SDK1: variants seen among roughly 807,000 people sequenced by gnomAD.
SDK1 encodes sidekick cell adhesion molecule 1, also known as protein sidekick-1.
SDK1 carries 157 observed loss-of-function variants against 245.5 expected under a neutral mutation model. That is an observed-to-expected ratio of 0.64 (90% CI 0.56 to 0.73). The LOEUF (loss-of-function observed/expected upper bound fraction) is 0.73, where lower values mean the gene tolerates loss of function less well. Ranked by LOEUF, SDK1 falls within the 30% of genes least tolerant of loss-of-function variation. SDK1 has a pLI of 0.00. For missense variants in SDK1, 3,583 were observed against 3,002.3 expected (o/e 1.19, Z -4.52); for synonymous variants, 1,647 against 1,278.5 (o/e 1.29, Z -6.15).
Position 3,832,683 on chromosome 7 carries a change from G to C in SDK1, c.847+11100G>C, listed in dbSNP as rs73672199. Among the ~76,000 whole-genome samples the C allele has an allele frequency of 5.7e-3, 875 of 152,310 alleles. 7 individuals are homozygous for C. Among genetic ancestry groups the C allele is most frequent in the African/African-American group, 0.02 (816 of 41,566 alleles). Reference sequence around the variant, plus strand: ...TTTATATCAGAAATAATAGGAACCAGAAATTTATCTGGAGATGTAGATTCT... The same window carrying C: ...TTTATATCAGAAATAATAGGAACCACAAATTTATCTGGAGATGTAGATTCT... On this transcript the variant is annotated intron_variant, in intron 5 of 44. Transcript: ENST00000404826.
At chr7:3,368,636 G>A (rs377043034) in intron 1 of SDK1, among the ~76,000 whole-genome samples, 3 of 152,140 alleles carry the variant, frequency 2.0e-5, no homozygotes, top group African/African-American at 4.8e-5. Context: ...AGAGCCTGTC[G>A]GGTGAGTGCC....
chr7:3,389,520 G>T (rs1037435874), intron 1 of SDK1, among the ~76,000 whole-genome samples: 3 of 152,154 alleles, frequency 2.0e-5, no homozygotes, highest in African/African-American at 7.2e-5. Context: ...CTCATATTTT[G>T]GACTTCTGGC....
At chr7:3,650,824 G>GT (rs1205960534) in intron 4 of SDK1, among the ~76,000 whole-genome samples, 4 of 102,200 alleles carry the variant, frequency 3.9e-5, no homozygotes, top group Non-Finnish European at 8.6e-5. Context: ...TGTGGGGATT[G>GT]GTTTTTTTTT....
At chr7:4,174,190 G>A (rs201097410) in intron 32 of SDK1, 32 bp from the exon 33 acceptor site, 3 of 1,612,502 alleles carry the variant, frequency 1.9e-6, no homozygotes, top group African/African-American at 2.7e-5. Context: ...TGACTCCCAT[G>A]GTGTGGCTGA....
chr7:3,429,426 T>A (rs974996424), intron 1 of SDK1, among the ~76,000 whole-genome samples: 2 of 152,124 alleles, frequency 1.3e-5, no homozygotes, highest in African/African-American at 2.4e-5. Flanking sequence ...CCCTTTTAAA[T>A]ATATAACTCC....
At chr7:4,206,609 G>A (rs922603801) in intron 36 of SDK1, among the ~76,000 whole-genome samples, 1 of 152,190 alleles carries the variant, frequency 6.6e-6, no homozygotes, top group African/African-American at 2.4e-5. Flanking sequence ...TGACAGGAGA[G>A]CGTCGAGTGA....
intron 4 of SDK1, among the ~76,000 whole-genome samples, chr7:3,799,663 C>T (rs1421634294): frequency 6.7e-6 from 1 of 149,028 alleles, no homozygotes; most frequent in East Asian, 2.0e-4. Context: ...CAAAATCGCG[C>T]CACTGCACTC....
intron 1 of SDK1, among the ~76,000 whole-genome samples, chr7:3,307,594 C>G (rs1326748627): frequency 6.6e-6 from 1 of 152,174 alleles, no homozygotes; most frequent in Non-Finnish European, 1.5e-5. Flanking sequence ...GGTTGGCTTC[C>G]TGACAGAAAG....
At chr7:3,330,569 G>A (rs4506106) in intron 1 of SDK1, among the ~76,000 whole-genome samples, 65,967 of 151,862 alleles carry the variant, frequency 0.43, 14,407 homozygotes, top group East Asian at 0.56. Flanking sequence ...CATGTGATGC[G>A]TCTTGCCATG....
chr7:3,479,463 T>C (rs1018667614), intron 1 of SDK1, among the ~76,000 whole-genome samples: 2 of 150,594 alleles, frequency 1.3e-5, no homozygotes, highest in Non-Finnish European at 3.0e-5. Context: ...ATTGTCCAAT[T>C]GGTGGATACA....
At chr7:3,980,820 T>A (rs1783342273) in intron 13 of SDK1, among the ~76,000 whole-genome samples, 1 of 151,972 alleles carries the variant, frequency 6.6e-6, no homozygotes, top group Admixed American at 6.6e-5. Context: ...TGGGCACCTG[T>A]AATCCCAGCT....
chr7:3,686,479 T>C (rs1784284128), intron 4 of SDK1, among the ~76,000 whole-genome samples: 1 of 152,210 alleles, frequency 6.6e-6, no homozygotes, highest in Non-Finnish European at 1.5e-5. Context: ...AGTATACTCA[T>C]GGGCTGTACA....
At position 3,400,293 on chromosome 7, in the gene SDK1, G is replaced by C. The variant is rs74608728; in HGVS notation, c.298+98409G>C. Among the ~76,000 whole-genome samples the C allele has an allele frequency of 3.0e-4, 46 of 152,186 alleles. 1 individual carries two copies. The East Asian group carries it at 6.4e-3, about 21-fold the overall frequency. ...TCCTAAGATAATGCTTTAGATTGTT[G>C]TACAGCTTTGGTTAATTTTCAGAAT... On this transcript the variant is annotated intron_variant, in intron 1 of 44. Coordinates refer to ENST00000404826, the MANE Select transcript of SDK1 (RefSeq NM_152744.4).
chr7:3,952,377 G>A (rs564227141), intron 7 of SDK1, among the ~76,000 whole-genome samples: 2 of 152,236 alleles, frequency 1.3e-5, no homozygotes, highest in African/African-American at 4.8e-5. Flanking sequence ...CCAGGAGTTC[G>A]AGACCAGCCT....
At chr7:3,732,080 A>G (rs1466057263) in intron 4 of SDK1, among the ~76,000 whole-genome samples, 1 of 152,190 alleles carries the variant, frequency 6.6e-6, no homozygotes, top group Non-Finnish European at 1.5e-5. Context: ...GTGAGCCACC[A>G]CACCCAGCAG....
chr7:3,752,132 T>C (rs975001957), intron 4 of SDK1, among the ~76,000 whole-genome samples: 2 of 152,220 alleles, frequency 1.3e-5, no homozygotes, highest in Non-Finnish European at 2.9e-5. Context: ...ATTGCACTTT[T>C]CGTTTTCATC....
intron 1 of SDK1, among the ~76,000 whole-genome samples, chr7:3,577,386 T>A (rs1458994346): frequency 6.6e-6 from 1 of 152,032 alleles, no homozygotes; most frequent in African/African-American, 2.4e-5. Context: ...CGTCATAGCA[T>A]CAGAGTGGCC....
intron 2 of SDK1, among the ~76,000 whole-genome samples, chr7:3,632,129 T>C (rs947134602): frequency 1.3e-5 from 2 of 152,220 alleles, no homozygotes; most frequent in East Asian, 1.9e-4. Flanking sequence ...ATGTCCTCTT[T>C]CCTGAAGGTT....
At chr7:4,159,301 G>A (rs1292924621) in intron 31 of SDK1, among the ~76,000 whole-genome samples, 1 of 152,148 alleles carries the variant, frequency 6.6e-6, no homozygotes, top group African/African-American at 2.4e-5. Flanking sequence ...CTGCTCTCTC[G>A]ATGACCTGGA....
Sources: allele counts gnomAD v4.1 joint callset (sites outside exome capture counted in the v4.1 genomes callset), GRCh38; gene constraint gnomAD v4.1.1; transcripts MANE v1.5; gene names NCBI Gene and HGNC (gene_info 2026-07-23, HGNC 2026-07-21).